Variants in RALYL observed in about 807,000 individuals in gnomAD.
The protein encoded by RALYL is RNA-binding Raly-like protein.
A neutral mutation model predicts 35.1 loss-of-function variants in RALYL; 29 were observed. The ratio of observed to expected loss-of-function variants is 0.83; its 90% CI spans 0.61 to 1.13. The LOEUF (loss-of-function observed/expected upper bound fraction) is 1.13, where lower values mean the gene tolerates loss of function less well. Ranked by LOEUF, RALYL falls within the 50% of genes most tolerant of loss-of-function variation. RALYL has a pLI of 0.00. For missense variants in RALYL, 359 were observed against 360.4 expected (o/e 1.00, Z 0.03); for synonymous variants, 120 against 127.6 (o/e 0.94, Z 0.40).
chr8:84,811,278 A>G (rs984397826), intron 4 of RALYL, among the ~76,000 whole-genome samples: 4 of 152,164 alleles, frequency 2.6e-5, no homozygotes, highest in Admixed American at 2.6e-4. Context: ...TATGATGCTT[A>G]GTTTCGCTGG....
chr8:84,600,054 C>T (rs530201246), intron 2 of RALYL, among the ~76,000 whole-genome samples: 133 of 151,968 alleles, frequency 8.8e-4, no homozygotes, highest in Middle Eastern at 3.4e-3. Context: ...CGGTAATATC[C>T]TAAGCACATA....
intron 3 of RALYL, among the ~76,000 whole-genome samples, chr8:84,782,720 TG>T (rs1818477529): frequency 6.6e-6 from 1 of 152,234 alleles, no homozygotes; most frequent in African/African-American, 2.4e-5. Flanking sequence ...TAGTCCCTAC[TG>T]GAGCTTAGCA....
At chr8:84,905,066 A>G (rs908703623) in intron 8 of RALYL, among the ~76,000 whole-genome samples, 3 of 152,090 alleles carry the variant, frequency 2.0e-5, no homozygotes, top group African/African-American at 7.2e-5. Context: ...CTTAACTGAA[A>G]CTTTATGCCC....
intron 2 of RALYL, among the ~76,000 whole-genome samples, chr8:84,531,785 G>A (rs2059291267): frequency 6.6e-6 from 1 of 151,962 alleles, no homozygotes; most frequent in South Asian, 2.1e-4. Flanking sequence ...TAATTTTCTG[G>A]AGTTCTGTTT....
chr8:84,399,876 G>A (rs1041074261), intron 1 of RALYL, among the ~76,000 whole-genome samples: 1 of 152,182 alleles, frequency 6.6e-6, no homozygotes, highest in African/African-American at 2.4e-5. Flanking sequence ...CGGGTGTGGT[G>A]GCTCATGCCG....
chr8:84,786,342 C>A (rs1819449240), intron 3 of RALYL, among the ~76,000 whole-genome samples: 1 of 151,934 alleles, frequency 6.6e-6, no homozygotes, highest in Non-Finnish European at 1.5e-5. Context: ...GGGTATATAC[C>A]TAGTAATGGG....
rs140498588 is a variant in RALYL at position 84,864,792 on chromosome 8, C to A, written c.571+2339C>A. 3,401 of 613,112 alleles carry A rather than the reference C, an allele frequency of 5.5e-3. 15 individuals are homozygous for A. The highest frequency in any genetic ancestry group is 7.9e-3 in the Non-Finnish European group (2,568 of 323,534). 38.0% of individuals were successfully genotyped at this position (613,112 alleles called of 1,614,324 possible). On this transcript the variant is annotated intron_variant, in intron 6 of 8. Coordinates refer to ENST00000521268, the MANE Select transcript of RALYL (RefSeq NM_173848.7). ...GGCCCCTGGGCCTGCTCCAAGCCAG[C>A]CCTGCAGCAGAGCTTCTGTGTAGTA...
intron 2 of RALYL, among the ~76,000 whole-genome samples, chr8:84,601,074 C>G (rs1456099526): frequency 2.0e-5 from 3 of 152,024 alleles, no homozygotes; most frequent in Non-Finnish European, 4.4e-5. Context: ...CAGGGGATAG[C>G]AGAGCACAGA....
At chr8:84,738,791 C>T (rs1339222390) in intron 2 of RALYL, among the ~76,000 whole-genome samples, 2 of 151,972 alleles carry the variant, frequency 1.3e-5, no homozygotes, top group African/African-American at 4.8e-5. Flanking sequence ...ATGCAGTGAA[C>T]ATCAATGGGG....
intron 4 of RALYL, among the ~76,000 whole-genome samples, chr8:84,844,902 G>C (rs1834279038): frequency 6.6e-6 from 1 of 152,042 alleles, no homozygotes; most frequent in African/African-American, 2.4e-5. Context: ...CTCACTCATA[G>C]GTGGGAATTG....
intron 1 of RALYL, among the ~76,000 whole-genome samples, chr8:84,319,168 A>T (rs996604370): frequency 3.9e-5 from 6 of 152,178 alleles, no homozygotes; most frequent in African/African-American, 1.4e-4. Flanking sequence ...GGGTGTCTTG[A>T]AGAAGGTTCA....
chr8:84,561,274 A>G (rs2061452421), intron 2 of RALYL, among the ~76,000 whole-genome samples: 1 of 152,100 alleles, frequency 6.6e-6, no homozygotes, highest in Non-Finnish European at 1.5e-5. Flanking sequence ...TGGAATCTTA[A>G]AAAAGTATAA....
chr8:84,504,679 A>G (rs1280990574), intron 1 of RALYL, among the ~76,000 whole-genome samples: 1 of 152,198 alleles, frequency 6.6e-6, no homozygotes, highest in Non-Finnish European at 1.5e-5. Flanking sequence ...AGATGTCCAT[A>G]TTACATTGTT....
chr8:84,645,427 C>T (rs898697085), intron 2 of RALYL, among the ~76,000 whole-genome samples: 3 of 151,824 alleles, frequency 2.0e-5, no homozygotes, highest in Non-Finnish European at 4.4e-5. Flanking sequence ...AAAATTTTTA[C>T]AATCTCTTCT....
At chr8:84,438,117 G>T (rs1563931284) in intron 1 of RALYL, among the ~76,000 whole-genome samples, 1 of 152,200 alleles carries the variant, frequency 6.6e-6, no homozygotes. Context: ...ATTGGGTTTT[G>T]CTTGTTGAAT....
At chr8:84,880,876 G>T (rs1019265548) in intron 7 of RALYL, among the ~76,000 whole-genome samples, 1 of 151,842 alleles carries the variant, frequency 6.6e-6, no homozygotes, top group Non-Finnish European at 1.5e-5. Context: ...TCCCAGACAG[G>T]AATAAAACAA....
In RALYL at chr8:84,184,686, C is replaced by T. The variant is rs1866088; in HGVS notation, c.-24+262C>T. Among the ~76,000 whole-genome samples, 70 of 151,922 alleles carry T rather than the reference C, an allele frequency of 4.6e-4. 1 individual carries two copies. The East Asian group carries it at 0.013, about 29-fold the overall frequency. ...CTCCCACGGTGAGCTGCGCCCAGGT[C>T]GTCTCCCGGCGGGGCGGGTGGCGTC... On this transcript the variant is annotated intron_variant, in intron 1 of 8. Transcript: ENST00000521268.
At chr8:84,757,854 A>G (rs1046958162) in intron 2 of RALYL, among the ~76,000 whole-genome samples, 11 of 152,162 alleles carry the variant, frequency 7.2e-5, no homozygotes, top group Non-Finnish European at 1.3e-4. Flanking sequence ...TTAAAAATTT[A>G]GAGAATATTT....
Position 84,887,600 on chromosome 8 carries a change from C to CG in RALYL, c.686-4_686-3insG. 6.2e-7 allele frequency: 1 copy of CG among 1,602,886 alleles called. No homozygotes were observed. The highest frequency in any genetic ancestry group is 8.5e-7 in the Non-Finnish European group (1 of 1,175,188). On this transcript the variant is annotated splice_region_variant and splice_polypyrimidine_tract_variant and intron_variant, in intron 7 of 8. Coordinates refer to ENST00000521268, the MANE Select transcript of RALYL (RefSeq NM_173848.7). ...AGTAGTCATTTGCTTTCTCCCCCCC[C>CG]CAGAAGCTCAGAAGAAGCAATTGGA...
Sources: gnomAD v4.1 joint callset for allele counts (sites outside exome capture counted in the v4.1 genomes callset) on GRCh38, gnomAD v4.1.1 for gene constraint, MANE v1.5 for transcripts, NCBI Gene and HGNC (gene_info 2026-07-23, HGNC 2026-07-21) for gene names.